CADM2: variants seen among roughly 807,000 people sequenced by gnomAD.
CADM2 encodes the protein cell adhesion molecule 2.
In CADM2, 12 loss-of-function variants were observed where a neutral mutation model predicts 49.8. The ratio of observed to expected loss-of-function variants is 0.24; its 90% CI spans 0.15 to 0.39. CADM2 has a LOEUF of 0.39. Ranked by LOEUF, CADM2 falls within the 10% of genes least tolerant of loss-of-function variation. CADM2 has a pLI of 1.00. For synonymous variants in CADM2, 214 were observed against 175.4 expected, an observed-to-expected ratio of 1.22 and a Z score of -1.74; for missense variants, 378 against 492.3, an observed-to-expected ratio of 0.77 and a Z score of 2.20.
intron 1 of CADM2, among the ~76,000 whole-genome samples, chr3:85,460,330 T>C (rs1276443151): frequency 6.6e-6 from 1 of 152,126 alleles, no homozygotes; most frequent in Non-Finnish European, 1.5e-5. Context: ...CATGAACCAC[T>C]GTGAAGACAG....
intron 1 of CADM2, among the ~76,000 whole-genome samples, chr3:85,704,455 T>C (rs1258727669): frequency 6.6e-6 from 1 of 152,160 alleles, no homozygotes; most frequent in Non-Finnish European, 1.5e-5. Flanking sequence ...CATCATGGGC[T>C]GGTTCTTGGT....
chr3:85,044,498 G>T (rs938952963), intron 1 of CADM2, among the ~76,000 whole-genome samples: 1 of 152,176 alleles, frequency 6.6e-6, no homozygotes, highest in Admixed American at 6.5e-5. Flanking sequence ...CATTCCAGAA[G>T]AAATTAGCTG....
rs1042243177 is a variant in CADM2, at chr3:85,587,221, GAA to G, written c.62-139298_62-139297del. 2.6e-5 allele frequency among the ~76,000 whole-genome samples: 4 copies of G among 152,124 alleles called. No individual in the cohort carries two copies. In the South Asian group the frequency reaches 6.2e-4, roughly 24 times the overall value. ...GAAGTTGCTAGGCCATTATGTCTGA[GAA>G]AAGATAGGAAGTTAGACATAAACGA... On this transcript the variant is annotated intron_variant, in intron 1 of 9. Coordinates refer to ENST00000383699, the MANE Select transcript of CADM2 (RefSeq NM_001167675.2).
At chr3:86,004,993 G>A (rs969817182) in intron 8 of CADM2, among the ~76,000 whole-genome samples, 6 of 152,086 alleles carry the variant, frequency 3.9e-5, no homozygotes, top group African/African-American at 1.2e-4. Flanking sequence ...ATGCTGGAAC[G>A]TTCTTTTCCC....
intron 1 of CADM2, among the ~76,000 whole-genome samples, chr3:85,337,178 C>T (rs574877604): frequency 5.2e-4 from 78 of 150,040 alleles, no homozygotes; most frequent in African/African-American, 1.8e-3. Flanking sequence ...TCCCACAACA[C>T]CTCTAAAAAA....
chr3:85,660,170 A>G (rs1282289034), intron 1 of CADM2, among the ~76,000 whole-genome samples: 1 of 152,068 alleles, frequency 6.6e-6, no homozygotes, highest in African/African-American at 2.4e-5. Flanking sequence ...TGGGCCTGCA[A>G]AAAGGGTAAG....
chr3:85,390,757 CAA>C (rs2034480064), intron 1 of CADM2, among the ~76,000 whole-genome samples: 1 of 152,076 alleles, frequency 6.6e-6, no homozygotes, highest in Admixed American at 6.6e-5. Flanking sequence ...CTCTTTTTCT[CAA>C]GTCTCAACTA....
intron 2 of CADM2, among the ~76,000 whole-genome samples, chr3:85,762,097 T>G (rs2069417888): frequency 6.6e-6 from 1 of 152,102 alleles, no homozygotes; most frequent in Admixed American, 6.5e-5. Context: ...AGGTCAAACT[T>G]GAAACAAACA....
chr3:85,140,534 A>G (rs1050598783), intron 1 of CADM2, among the ~76,000 whole-genome samples: 2 of 152,166 alleles, frequency 1.3e-5, no homozygotes, highest in African/African-American at 4.8e-5. Flanking sequence ...GTCCTTGTAA[A>G]TCCTCCCATA....
At chr3:85,151,885 C>G (rs1193880053) in intron 1 of CADM2, among the ~76,000 whole-genome samples, 2 of 152,094 alleles carry the variant, frequency 1.3e-5, no homozygotes, top group Non-Finnish European at 2.9e-5. Flanking sequence ...TTAAAATTTG[C>G]TTAAAGCAAT....
chr3:85,984,956 A>G (rs1559783239), intron 8 of CADM2, among the ~76,000 whole-genome samples: 2 of 152,000 alleles, frequency 1.3e-5, no homozygotes, highest in African/African-American at 4.8e-5. Context: ...AGGAAAAAAA[A>G]GGATTTTTTT....
chr3:85,441,886 G>A (rs2107544786), intron 1 of CADM2, among the ~76,000 whole-genome samples: 1 of 152,116 alleles, frequency 6.6e-6, no homozygotes, highest in East Asian at 1.9e-4. Flanking sequence ...AAGAAAAAAA[G>A]ATGAGGAAGT....
chr3:85,904,766 C>G (rs371619844), intron 5 of CADM2, among the ~76,000 whole-genome samples: 1 of 152,070 alleles, frequency 6.6e-6, no homozygotes, highest in Non-Finnish European at 1.5e-5. Flanking sequence ...GATATTGACT[C>G]GTAAATTATT....
At chr3:85,110,907 GC>G (rs1276671749) in intron 1 of CADM2, among the ~76,000 whole-genome samples, 1 of 151,738 alleles carries the variant, frequency 6.6e-6, no homozygotes, top group African/African-American at 2.4e-5. Flanking sequence ...CACAAAGAAA[GC>G]AAATGAGATC....
chr3:85,637,389 TC>T (rs2064530951), intron 1 of CADM2, among the ~76,000 whole-genome samples: 1 of 150,276 alleles, frequency 6.7e-6, no homozygotes, highest in Non-Finnish European at 1.5e-5. Context: ...GATCATGAGG[TC>T]AGGAGATCGA....
chr3:85,713,937 G>C (rs1054396662), intron 1 of CADM2, among the ~76,000 whole-genome samples: 8 of 152,278 alleles, frequency 5.3e-5, no homozygotes, highest in African/African-American at 1.9e-4. Context: ...CAGAGAAGTG[G>C]TAGTACAGGG....
At chr3:85,810,189 G>A (rs575164642) in intron 3 of CADM2, among the ~76,000 whole-genome samples, 1 of 152,140 alleles carries the variant, frequency 6.6e-6, no homozygotes, top group East Asian at 1.9e-4. Flanking sequence ...GGCTGAGAAG[G>A]GATAGATGTA....
intron 1 of CADM2, among the ~76,000 whole-genome samples, chr3:85,545,854 G>C (rs1360979466): frequency 6.6e-6 from 1 of 152,150 alleles, no homozygotes. Context: ...AGAAGAACCA[G>C]AACTTCTGCT....
chr3:85,681,648 A>G (rs1389849590), intron 1 of CADM2, among the ~76,000 whole-genome samples: 1 of 152,156 alleles, frequency 6.6e-6, no homozygotes, highest in Non-Finnish European at 1.5e-5. Context: ...AGGCTATGAA[A>G]TTAACACTAG....
Sources: gnomAD v4.1 joint callset for allele counts (sites outside exome capture counted in the v4.1 genomes callset) on GRCh38, gnomAD v4.1.1 for gene constraint, MANE v1.5 for transcripts, NCBI Gene and HGNC (gene_info 2026-07-23, HGNC 2026-07-21) for gene names.